The following DDR2 variants were observed in gnomAD, a reference collection of about 807,000 sequenced individuals.
DDR2 encodes discoidin domain receptor tyrosine kinase 2.
In DDR2, 27 loss-of-function variants were observed where a neutral mutation model predicts 94.9. That is an observed-to-expected ratio of 0.28 (90% CI 0.21 to 0.39). The LOEUF (loss-of-function observed/expected upper bound fraction) is 0.39, where lower values mean the gene tolerates loss of function less well. Ranked by LOEUF, DDR2 falls within the 10% of genes least tolerant of loss-of-function variation. The pLI, the probability that DDR2 is intolerant of heterozygous loss-of-function variation, is 1.00. For missense variants in DDR2, 783 were observed against 1,076.0 expected (o/e 0.73, Z 3.81); for synonymous variants, 382 against 377.2 (o/e 1.01, Z -0.15).
At chr1:162,771,982 G>C in intron 12 of DDR2, 42 bp from the exon 13 acceptor site, 2 of 1,555,978 alleles carry the variant, frequency 1.3e-6, no homozygotes, top group Non-Finnish European at 1.7e-6. Context: ...GATCTCCAAA[G>C]ACACTCCACG....
chr1:162,775,509 A>G, intron 14 of DDR2, 143 bp from the exon 15 acceptor site: 3 of 801,998 alleles, frequency 3.7e-6, no homozygotes, highest in South Asian at 1.5e-5. Context: ...TCCAGGTGTC[A>G]ATTTCTCTGT....
chr1:162,680,107 G>A lies in DDR2; in HGVS notation c.-28+24733G>A, dbSNP rs1296158556. ...TTCTGTAGGTTATTTACTGTTAATA[G>A]TATCTTTTGCTGTGCAAAATCTTTT... On this transcript the variant is annotated intron_variant, in intron 2 of 17. Coordinates refer to ENST00000367921, the MANE Select transcript of DDR2 (RefSeq NM_006182.4). 2.6e-5 allele frequency among the ~76,000 whole-genome samples: 4 copies of A among 152,062 alleles called. No homozygotes were observed. The East Asian group carries it at 5.8e-4, about 22-fold the overall frequency.
At chr1:162,766,151 G>C in intron 10 of DDR2, 88 bp downstream of exon 10, 1 of 1,441,508 alleles carries the variant, frequency 6.9e-7, no homozygotes. Flanking sequence ...CCCTGGCTGT[G>C]TGGGAGGCTT....
intron 2 of DDR2, among the ~76,000 whole-genome samples, chr1:162,679,109 G>A (rs1431149870): frequency 6.6e-6 from 1 of 151,584 alleles, no homozygotes; most frequent in Non-Finnish European, 1.5e-5. Flanking sequence ...ATATAGTAAT[G>A]GGGATTTGGT....
intron 2 of DDR2, among the ~76,000 whole-genome samples, chr1:162,660,097 G>T (rs1237845463): frequency 6.6e-6 from 1 of 152,074 alleles, no homozygotes; most frequent in African/African-American, 2.4e-5. Context: ...AGAACTCCTG[G>T]TTTCTCCATT....
intron 16 of DDR2, chr1:162,778,004 A>G (rs898113521): frequency 6.3e-6 from 1 of 159,580 alleles, no homozygotes; most frequent in African/African-American, 2.4e-5. Flanking sequence ...ACATAATGAG[A>G]CCCCATTTCT....
intron 2 of DDR2, among the ~76,000 whole-genome samples, chr1:162,658,445 C>T (rs181191320): frequency 2.5e-4 from 38 of 152,222 alleles, no homozygotes; most frequent in African/African-American, 9.1e-4. Flanking sequence ...GAAAGGCAAG[C>T]TCAGGATCAG....
At chr1:162,679,515 G>T (rs930977203) in intron 2 of DDR2, among the ~76,000 whole-genome samples, 2 of 152,170 alleles carry the variant, frequency 1.3e-5, no homozygotes, top group South Asian at 4.1e-4. Flanking sequence ...GTATTCCATG[G>T]TGTGTATGTA....
At chr1:162,676,947 A>T (rs1289935266) in intron 2 of DDR2, among the ~76,000 whole-genome samples, 1 of 152,186 alleles carries the variant, frequency 6.6e-6, no homozygotes, top group Non-Finnish European at 1.5e-5. Flanking sequence ...ATAGTGGAAA[A>T]GTCAATGCCC....
In DDR2 at chr1:162,772,222, A is replaced by T. The variant is rs1252290629; in HGVS notation, c.1703A>T (p.Lys568Met). The T allele has an allele frequency of 1.9e-6, 3 of 1,614,108 alleles. No homozygotes were observed. In the African/African-American group the frequency reaches 4.0e-5, roughly 22 times the overall value. ...FPRKLLTFKEKLGEGQFGEVH... is the reference protein window; with the variant it reads ...FPRKLLTFKEMLGEGQFGEVH... ...AGGAAACTCCTAACTTTCAAAGAGA[A>T]GCTGGGAGAAGGACAGTTTGGGGAG... The change falls in exon 13 of 18, where the codon AAG becomes ATG. Residue 568 changes from lysine to methionine, a missense_variant. Lys to Met is a moderately conservative substitution (Grantham distance 95). Transcript: ENST00000367921.
intron 2 of DDR2, among the ~76,000 whole-genome samples, chr1:162,708,077 A>C (rs1022336745): frequency 1.3e-5 from 2 of 152,126 alleles, no homozygotes; most frequent in Non-Finnish European, 2.9e-5. Context: ...AGAAGGTGAG[A>C]GGTCTCTGTC....
intron 2 of DDR2, among the ~76,000 whole-genome samples, chr1:162,692,536 C>T (rs182642622): frequency 6.6e-6 from 1 of 152,302 alleles, no homozygotes; most frequent in East Asian, 1.9e-4. Context: ...ATCCAAATGA[C>T]ATGAAAAGAA....
chr1:162,757,956 C>T (rs753033222), intron 7 of DDR2, among the ~76,000 whole-genome samples: 8 of 152,028 alleles, frequency 5.3e-5, no homozygotes, highest in Admixed American at 2.0e-4. Context: ...TTTATTTATT[C>T]GACAAATATA....
chr1:162,653,107 AAAACAAACAAGCAAAC>A (rs772495690), intron 1 of DDR2, among the ~76,000 whole-genome samples: 7 of 152,038 alleles, frequency 4.6e-5, no homozygotes, highest in South Asian at 2.1e-4. Flanking sequence ...CCTGTCTTAA[AAAACAAACAAGCAAAC>A]AAACAAACAA....
chr1:162,632,929 G>C (rs1413552741), intron 1 of DDR2, among the ~76,000 whole-genome samples: 2 of 152,214 alleles, frequency 1.3e-5, no homozygotes, highest in Non-Finnish European at 2.9e-5. Context: ...AGTGTTAGCA[G>C]AGTTGAAATT....
Position 162,781,557 on chromosome 1 carries a change from T to G in DDR2, c.*1311T>G, listed in dbSNP as rs1479228463. 1.3e-5 allele frequency: 2 copies of G among 152,264 alleles called. No homozygotes were observed. The highest frequency in any genetic ancestry group is 4.8e-5 in the African/African-American group (2 of 41,446). 9.4% of individuals were successfully genotyped at this position (152,264 alleles called of 1,614,324 possible). ...GTGGATGGTGGTATGAGACAATGTTTAATGTCCTTCTAACTCCGAGAGTCC... is the reference window on the plus strand; with the variant it reads ...GTGGATGGTGGTATGAGACAATGTTGAATGTCCTTCTAACTCCGAGAGTCC... On this transcript the variant is annotated 3_prime_UTR_variant, in exon 18 of 18. Coordinates refer to ENST00000367921, the MANE Select transcript of DDR2 (RefSeq NM_006182.4).
At chr1:162,640,103 G>A (rs530334582) in intron 1 of DDR2, among the ~76,000 whole-genome samples, 1 of 151,446 alleles carries the variant, frequency 6.6e-6, no homozygotes, top group South Asian at 2.1e-4. Flanking sequence ...GTGCAGTGGT[G>A]TGATCTCGGC....
At chr1:162,759,696 C>G (rs983427219) in intron 7 of DDR2, 100 bp from the exon 8 acceptor site, 4 of 1,383,860 alleles carry the variant, frequency 2.9e-6, no homozygotes, top group Admixed American at 1.9e-5. Context: ...TAAGCTCATA[C>G]AAAATCTGGA....
At chr1:162,668,763 A>T (rs1658698354) in intron 2 of DDR2, among the ~76,000 whole-genome samples, 1 of 152,202 alleles carries the variant, frequency 6.6e-6, no homozygotes, top group Non-Finnish European at 1.5e-5. Context: ...TTCAAATAAG[A>T]TTACATTCCT....
Sources: gnomAD v4.1 joint callset for allele counts (sites outside exome capture counted in the v4.1 genomes callset) on GRCh38, gnomAD v4.1.1 for gene constraint, MANE v1.5 for transcripts, NCBI Gene and HGNC (gene_info 2026-07-23, HGNC 2026-07-21) for gene names.